The following C1orf54 variants were observed in gnomAD, a reference collection of about 807,000 sequenced individuals.
C1orf54 encodes the protein uncharacterized protein C1orf54.
Under a neutral mutation model 14.7 loss-of-function variants are expected in C1orf54, and 12 were observed. The observed-to-expected ratio is 0.82, with a 90% CI of 0.52 to 1.32. The LOEUF is 1.32. Among genes scored for constraint, C1orf54 ranks in the 40% most tolerant of loss-of-function variants. The pLI is 0.00. For missense variants in C1orf54, 163 were observed against 162.2 expected (o/e 1.00, Z -0.03); for synonymous variants, 65 against 56.3 (o/e 1.16, Z -0.70).
intron 5 of C1orf54, among the ~76,000 whole-genome samples, chr1:150,279,972 A>T (rs1182573675): frequency 5.9e-5 from 9 of 152,172 alleles, no homozygotes; most frequent in African/African-American, 1.9e-4. Flanking sequence ...TGAGCAACAT[A>T]GTTTAAGTCC....
chr1:150,279,657 C>G lies in C1orf54; in HGVS notation c.315C>G (p.Asn105Lys), dbSNP rs1233481929. Residue 105 changes from asparagine (N) to lysine (K), a missense_variant, in exon 5 of 6, where the codon AAC (asparagine) becomes AAG (lysine). By Grantham distance (94) the Asn-to-Lys change is moderately conservative. Coordinates refer to ENST00000369099, the MANE Select transcript of C1orf54 (RefSeq NM_024579.4). ...TATTTTAGCAGAGTCCAGATCTGAA[C>G]GATGCCGTGTCCAGTTTGCGAAGTC... ...PVTTEPSPDLNDAVSSLRSPI... is the reference protein window; with the variant it reads ...PVTTEPSPDLKDAVSSLRSPI... 6.2e-7 allele frequency: 1 copy of G among 1,611,994 alleles called. No homozygotes were observed. The highest frequency in any genetic ancestry group is 8.5e-7 in the Non-Finnish European group (1 of 1,179,168).
chr1:150,269,894 A>C (rs1317381824), upstream of C1orf54, among the ~76,000 whole-genome samples: 1 of 152,106 alleles, frequency 6.6e-6, no homozygotes, highest in African/African-American at 2.4e-5. Context: ...AAAATTAGCC[A>C]GATGTGGTGG....
chr1:150,276,366 C>CA (rs1652653610), intron 3 of C1orf54, among the ~76,000 whole-genome samples, 156 bp from the exon 4 acceptor site: 2 of 152,014 alleles, frequency 1.3e-5, no homozygotes, highest in Non-Finnish European at 2.9e-5. Context: ...GAGATGGGTA[C>CA]AAATCTATGC....
At chr1:150,271,860 C>T (rs1353512074), upstream of C1orf54, among the ~76,000 whole-genome samples, 3 of 152,226 alleles carry the variant, frequency 2.0e-5, no homozygotes, top group African/African-American at 4.8e-5. Flanking sequence ...GAGGTGAGGC[C>T]GGGCACGGTG....
At chr1:150,280,373 C>G (rs587649831) in intron 5 of C1orf54, among the ~76,000 whole-genome samples, 8 of 152,322 alleles carry the variant, frequency 5.3e-5, no homozygotes, top group African/African-American at 1.9e-4. Flanking sequence ...TCTCCTAGAG[C>G]AGATAGATGA....
chr1:150,277,888 G>A (rs1040382544), intron 4 of C1orf54, among the ~76,000 whole-genome samples: 60 of 152,082 alleles, frequency 3.9e-4, no homozygotes, highest in Admixed American at 3.7e-3. Context: ...ACCTGAAGTC[G>A]GGAGTTCGAG....
At chr1:150,274,952 A>G (rs1652522894) in intron 2 of C1orf54, among the ~76,000 whole-genome samples, 1 of 151,394 alleles carries the variant, frequency 6.6e-6, no homozygotes, top group Non-Finnish European at 1.5e-5. Flanking sequence ...ATTTTTCCAG[A>G]TAGTGATTTT....
At chr1:150,272,457 C>A (rs1185685454), upstream of C1orf54, 1 of 234,682 alleles carries the variant, frequency 4.3e-6, no homozygotes, top group Admixed American at 5.2e-5. Context: ...TTTTATGAGG[C>A]CTTGGAGGAA....
Position 150,276,564 on chromosome 1 carries a change from A to C in C1orf54, c.232A>C (p.Ile78Leu). 1 of 1,614,178 alleles carries C rather than the reference A, an allele frequency of 6.2e-7. No individual in the cohort carries two copies. Among genetic ancestry groups the C allele is most frequent in the Non-Finnish European group, 8.5e-7 (1 of 1,179,998 alleles). Residue 78 changes from isoleucine (I) to leucine (L), a missense_variant, in exon 4 of 6, where the codon ATT becomes CTT. Ile to Leu is a conservative substitution (Grantham distance 5, BLOSUM62 2). Transcript: ENST00000369099. The stretch of plus-strand genomic sequence containing the variant: ...CATAACAGAAGCAATAGAGACTACC[A>C]TTAGTCTTGAAACAGCACGTGCAGA... The part of the protein sequence containing the change: ...KDITEAIETT[I>L]SLETARADHP...
At position 150,276,630 on chromosome 1, in the gene C1orf54, C is replaced by G. The variant is rs782575298; in HGVS notation, c.298C>G (p.Pro100Ala). The change falls in exon 4 of 6, where the codon CCT (proline) becomes GCT (alanine). Residue 100 changes from proline to alanine, a missense_variant and splice_region_variant. Transcript: ENST00000369099. ...PVTVKPVTTE[P>A]SPDLNDAVSS... ...AACTGTGAAACCAGTAACAACGGAA[C>G]CTGTGAGTTGATTGGGGATTGGGGG... The G allele has an allele frequency of 3.1e-6, 5 of 1,612,290 alleles. No homozygotes were observed. In the Middle Eastern group the frequency reaches 4.9e-4, roughly 159 times the overall value.
rs781802591 is a variant in C1orf54, at chr1:150,276,553, T to C, written c.221T>C (p.Ile74Thr). The C allele has an allele frequency of 7.4e-6, 12 of 1,613,848 alleles. No homozygotes were observed. The highest frequency in any genetic ancestry group is 6.7e-5 in the African/African-American group (5 of 74,832). Residue 74 changes from isoleucine (I) to threonine (T), a missense_variant, in exon 4 of 6, where the codon ATA becomes ACA. Physicochemically the swap from Ile to Thr is moderately conservative, Grantham distance 89 (BLOSUM62 -1). Coordinates refer to ENST00000369099, the MANE Select transcript of C1orf54 (RefSeq NM_024579.4). ...TTGGATAAGGACATAACAGAAGCAA[T>C]AGAGACTACCATTAGTCTTGAAACA... ...NRLDKDITEAIETTISLETAR... is the reference protein window; with the variant it reads ...NRLDKDITEATETTISLETAR...
chr1:150,277,519 A>AAAG (rs1652765359), intron 4 of C1orf54, among the ~76,000 whole-genome samples: 1 of 149,208 alleles, frequency 6.7e-6, no homozygotes, highest in Non-Finnish European at 1.5e-5. Flanking sequence ...AAAAAAAAAA[A>AAAG]AAAAAAAAGA....
intron 1 of C1orf54, 49 bp from the exon 2 acceptor site, chr1:150,274,038 T>G (rs1347465280): frequency 1.5e-6 from 2 of 1,336,236 alleles, no homozygotes; most frequent in Non-Finnish European, 2.1e-6. Context: ...GTCCTTTTGT[T>G]AGTAAGGTGT....
intron 2 of C1orf54, among the ~76,000 whole-genome samples, chr1:150,274,817 G>C (rs1338091316): frequency 6.0e-5 from 9 of 150,072 alleles, no homozygotes; most frequent in Admixed American, 2.7e-4. Context: ...GGAGGCTGAG[G>C]CAGGAGAATC....
chr1:150,279,858 T>C, intron 5 of C1orf54, 117 bp downstream of exon 5: 3 of 879,024 alleles, frequency 3.4e-6, no homozygotes, highest in Non-Finnish European at 5.3e-6. Context: ...GCCTGGTCAA[T>C]TATCAGCCAC....
intron 2 of C1orf54, among the ~76,000 whole-genome samples, chr1:150,274,508 G>A (rs141757912): frequency 6.6e-6 from 1 of 151,824 alleles, no homozygotes; most frequent in Non-Finnish European, 1.5e-5. Flanking sequence ...GCTGAGGCAG[G>A]AGAATGGCAT....
upstream of C1orf54, chr1:150,268,982 A>C: frequency 1.7e-6 from 1 of 575,376 alleles, no homozygotes; most frequent in Non-Finnish European, 3.1e-6. Context: ...CCCCAAATGA[A>C]GGTCCGCGCC....
upstream of C1orf54, chr1:150,272,682 G>T (rs1652295660): frequency 1.2e-6 from 1 of 819,470 alleles, no homozygotes; most frequent in East Asian, 2.5e-5. Context: ...AGTAGGCGGG[G>T]AGTTCTGCCC....
chr1:150,272,971 T>TA (rs1652324813), intron 1 of C1orf54, 108 bp downstream of exon 1: 2 of 1,248,286 alleles, frequency 1.6e-6, no homozygotes, highest in Non-Finnish European at 2.3e-6. Context: ...TGGGGAGCGA[T>TA]AGAGTTTTCT....
Sources: gnomAD v4.1 joint callset for allele counts (sites outside exome capture counted in the v4.1 genomes callset) on GRCh38, gnomAD v4.1.1 for gene constraint, MANE v1.5 for transcripts, NCBI Gene and HGNC (gene_info 2026-07-23, HGNC 2026-07-21) for gene names.